DGKB: variants seen among roughly 807,000 people sequenced by gnomAD.
DGKB encodes diacylglycerol kinase beta.
In DGKB, 67 loss-of-function variants were observed where a neutral mutation model predicts 114.3. That is an observed-to-expected ratio of 0.59 (90% CI 0.48 to 0.72). DGKB has a LOEUF of 0.72. Ranked by LOEUF, DGKB falls within the 30% of genes least tolerant of loss-of-function variation. The probability of loss-of-function intolerance (pLI) is 0.00; values close to 1 mark genes in which losing one functional copy is unlikely to be tolerated. For missense variants in DGKB, 907 were observed against 975.2 expected, an observed-to-expected ratio of 0.93 and a Z score of 0.93; for synonymous variants, 398 against 323.1, an observed-to-expected ratio of 1.23 and a Z score of -2.49.
intron 21 of DGKB, among the ~76,000 whole-genome samples, chr7:14,407,206 G>A (rs1157393705): frequency 6.6e-6 from 1 of 152,094 alleles, no homozygotes; most frequent in Non-Finnish European, 1.5e-5. Context: ...TCCAGGAACT[G>A]CCATGTTAGG....
intron 21 of DGKB, among the ~76,000 whole-genome samples, chr7:14,387,208 G>T (rs527366184): frequency 6.6e-6 from 1 of 152,022 alleles, no homozygotes; most frequent in East Asian, 1.9e-4. Context: ...TGGATCACGA[G>T]GTCAGGAGAT....
chr7:14,925,865 T>TG (rs1784719760), intron 1 of DGKB, among the ~76,000 whole-genome samples: 1 of 148,638 alleles, frequency 6.7e-6, no homozygotes, highest in South Asian at 2.1e-4. Flanking sequence ...AATAATTGGG[T>TG]CCCCCCCCCA....
intron 2 of DGKB, among the ~76,000 whole-genome samples, chr7:14,790,237 C>G (rs1401762293): frequency 6.6e-6 from 1 of 152,162 alleles, no homozygotes; most frequent in African/African-American, 2.4e-5. Flanking sequence ...CTCCCACTGT[C>G]TACCTTTTTC....
At chr7:14,827,419 GGA>G (rs368228854) in intron 2 of DGKB, among the ~76,000 whole-genome samples, 7 of 149,544 alleles carry the variant, frequency 4.7e-5, no homozygotes, top group Non-Finnish European at 7.5e-5. Context: ...AGAAAGACAG[GGA>G]GAGAGAGAGA....
At chr7:14,256,149 T>A (rs1179181921) in intron 23 of DGKB, among the ~76,000 whole-genome samples, 2 of 152,218 alleles carry the variant, frequency 1.3e-5, no homozygotes, top group East Asian at 3.8e-4. Flanking sequence ...GAATCTTTGC[T>A]TTTTACTGAA....
At chr7:14,946,060 C>T (rs1211840352) in intron 1 of DGKB, among the ~76,000 whole-genome samples, 5 of 151,146 alleles carry the variant, frequency 3.3e-5, no homozygotes, top group Non-Finnish European at 5.9e-5. Flanking sequence ...ATTATTTTGA[C>T]ATTAATAGAT....
At chr7:14,903,513 T>C (rs1355647275), upstream of DGKB, 1 of 152,154 alleles carries the variant, frequency 6.6e-6, no homozygotes, top group East Asian at 1.9e-4. Flanking sequence ...GGAAATATGA[T>C]ACCCGTCTCC....
At chr7:14,538,752 T>G (rs1465720416) in intron 20 of DGKB, among the ~76,000 whole-genome samples, 1 of 152,100 alleles carries the variant, frequency 6.6e-6, no homozygotes, top group African/African-American at 2.4e-5. Context: ...AGCAGATGAA[T>G]GGATAAAGAA....
intron 2 of DGKB, among the ~76,000 whole-genome samples, chr7:14,766,097 A>C (rs898402073): frequency 1.3e-5 from 2 of 152,008 alleles, no homozygotes; most frequent in African/African-American, 2.4e-5. Flanking sequence ...TCTGGAGATA[A>C]AGAACGGAAA....
chr7:14,805,082 T>C (rs1449582941), intron 2 of DGKB, among the ~76,000 whole-genome samples: 2 of 152,108 alleles, frequency 1.3e-5, no homozygotes, highest in Non-Finnish European at 2.9e-5. Context: ...CTCCTTGTAT[T>C]ATTCTCACTT....
At chr7:14,301,307 C>A (rs890991681) in intron 23 of DGKB, among the ~76,000 whole-genome samples, 104 of 152,132 alleles carry the variant, frequency 6.8e-4, no homozygotes, top group African/African-American at 2.4e-3. Flanking sequence ...ATCCACAGTG[C>A]AACTTTTCTT....
At chr7:14,454,586 T>A (rs965724151) in intron 21 of DGKB, among the ~76,000 whole-genome samples, 1 of 152,086 alleles carries the variant, frequency 6.6e-6, no homozygotes, top group Admixed American at 6.6e-5. Flanking sequence ...TTGCATTATA[T>A]AGAAATCATA....
At chr7:14,591,527 C>T (rs1801704257) in intron 17 of DGKB, among the ~76,000 whole-genome samples, 1 of 151,992 alleles carries the variant, frequency 6.6e-6, no homozygotes, top group African/African-American at 2.4e-5. Context: ...TTTAGCAGCC[C>T]TCTGTCAGAC....
At chr7:14,812,577 C>T (rs751540241) in intron 2 of DGKB, among the ~76,000 whole-genome samples, 2 of 152,114 alleles carry the variant, frequency 1.3e-5, no homozygotes, top group African/African-American at 2.4e-5. Context: ...TATCAGCATA[C>T]TGAATTCCAA....
chr7:14,581,406 T>G (rs1445082821), intron 18 of DGKB, among the ~76,000 whole-genome samples: 2 of 152,206 alleles, frequency 1.3e-5, no homozygotes, highest in African/African-American at 4.8e-5. Flanking sequence ...ACTGTTGAAT[T>G]ATAAAAGTGA....
intron 13 of DGKB, among the ~76,000 whole-genome samples, chr7:14,666,533 A>AT (rs972110227): frequency 4.6e-5 from 7 of 151,934 alleles, no homozygotes; most frequent in East Asian, 1.9e-4. Context: ...CCAAGAATGC[A>AT]TTTTTTAATA....
At chr7:14,523,566 A>G (rs1358662902) in intron 20 of DGKB, among the ~76,000 whole-genome samples, 1 of 152,218 alleles carries the variant, frequency 6.6e-6, no homozygotes, top group Admixed American at 6.5e-5. Flanking sequence ...AAGGCCACAC[A>G]TAAAACATAA....
intron 1 of DGKB, among the ~76,000 whole-genome samples, chr7:14,923,135 G>A (rs1784589577): frequency 6.6e-6 from 1 of 152,112 alleles, no homozygotes; most frequent in South Asian, 2.1e-4. Flanking sequence ...TTCTGATATT[G>A]CTATTGAGTC....
chr7:14,660,935 G>C (rs1398278694), intron 13 of DGKB, among the ~76,000 whole-genome samples: 22 of 151,066 alleles, frequency 1.5e-4, no homozygotes, highest in Non-Finnish European at 4.4e-5. Flanking sequence ...ACAAACCTGA[G>C]AAAAACAAGC....
Sources: allele counts gnomAD v4.1 joint callset (sites outside exome capture counted in the v4.1 genomes callset), GRCh38; gene constraint gnomAD v4.1.1; transcripts MANE v1.5; gene names NCBI Gene and HGNC (gene_info 2026-07-23, HGNC 2026-07-21).